The following PCDHGA3 variants were observed in gnomAD, a reference collection of about 807,000 sequenced individuals.
PCDHGA3 encodes protocadherin gamma subfamily A, 3.
PCDHGA3 carries 40 observed loss-of-function variants against 58.5 expected under a neutral mutation model. The observed-to-expected ratio is 0.68, with a 90% CI of 0.53 to 0.89. The LOEUF is 0.89. Among genes scored for constraint, PCDHGA3 ranks in the 40% least tolerant of loss-of-function variants. The pLI is 0.00. For missense variants in PCDHGA3, 1,223 were observed against 1,195.9 expected (o/e 1.02, Z -0.33); for synonymous variants, 530 against 525.7 (o/e 1.01, Z -0.11).
At chr5:141,417,753 C>T (rs889153718) in intron 1 of PCDHGA3, 3 of 1,431,672 alleles carry the variant, frequency 2.1e-6, no homozygotes, top group African/African-American at 2.9e-5. Flanking sequence ...ATTGCCAGCT[C>T]CGAGACCCGG....
intron 1 of PCDHGA3, chr5:141,367,157 T>G (rs2149904329): frequency 6.2e-6 from 1 of 161,546 alleles, no homozygotes; most frequent in East Asian, 1.8e-4. Flanking sequence ...GGACTGATAT[T>G]TTAGTCTACC....
In PCDHGA3 at chr5:141,487,819, C is replaced by A; in HGVS notation, c.2425-6988C>A. 2.3e-6 allele frequency: 3 copies of A among 1,285,528 alleles called. No homozygotes were observed. Among genetic ancestry groups the A allele is most frequent in the Non-Finnish European group, 3.2e-6 (3 of 932,998 alleles). 79.6% of individuals were successfully genotyped at this position (1,285,528 alleles called of 1,614,324 possible). On this transcript the variant is annotated intron_variant, in intron 1 of 3. Transcript: ENST00000253812. This position sits in a 1 kb window ranked among gnomAD's most constrained non-coding sequence, Gnocchi z 5.0. ...AGTTGTCACAGTTTAGCATTGGGGG[C>A]GGGTCATGCCTATATCTGAGTAAGA...
intron 1 of PCDHGA3, chr5:141,399,144 T>G: frequency 6.2e-7 from 1 of 1,613,728 alleles, no homozygotes. Flanking sequence ...AAAATGACAA[T>G]AGCCCAGAAG....
At chr5:141,393,857 C>A (rs753457502) in intron 1 of PCDHGA3, 3 of 1,613,860 alleles carry the variant, frequency 1.9e-6, no homozygotes, top group Non-Finnish European at 2.5e-6. Flanking sequence ...CAGAAGTGAT[C>A]ATTACGTCTT....
chr5:141,371,485 C>T, intron 1 of PCDHGA3: 1 of 1,613,980 alleles, frequency 6.2e-7, no homozygotes, highest in South Asian at 1.1e-5. Context: ...GAGCTGGGGA[C>T]TGCCGTTGCC....
At chr5:141,408,104 C>A (rs546603908) in intron 1 of PCDHGA3, 5 of 1,441,798 alleles carry the variant, frequency 3.5e-6, no homozygotes, top group Non-Finnish European at 2.7e-6. Flanking sequence ...CTCCGAGACC[C>A]GGGACTCCTC....
At chr5:141,375,448 A>G in intron 1 of PCDHGA3, 2 of 1,613,844 alleles carry the variant, frequency 1.2e-6, no homozygotes, top group South Asian at 1.1e-5. Flanking sequence ...TCCCCCATTC[A>G]TCCTACTCAG....
At chr5:141,468,748 C>T (rs2099176836) in intron 1 of PCDHGA3, among the ~76,000 whole-genome samples, 1 of 151,866 alleles carries the variant, frequency 6.6e-6, no homozygotes, top group South Asian at 2.1e-4. Context: ...TGCCTGTAGT[C>T]CCAGCTACTC....
chr5:141,393,427 A>G (rs2092758301), intron 1 of PCDHGA3: 2 of 1,613,922 alleles, frequency 1.2e-6, no homozygotes, highest in Admixed American at 3.3e-5. Flanking sequence ...AGGGAGGAAG[A>G]GGCTGCTCAC....
At chr5:141,364,161 C>A in intron 1 of PCDHGA3, 1 of 652,296 alleles carries the variant, frequency 1.5e-6, no homozygotes, top group Non-Finnish European at 2.3e-6. Flanking sequence ...GCCGCAGAGG[C>A]GACCCGACTC....
chr5:141,487,695 C>T lies in PCDHGA3; in HGVS notation c.2425-7112C>T, dbSNP rs1345224043. The stretch of plus-strand genomic sequence containing the variant: ...TGGCTAGGCCATGTCCTAGAGAGTA[C>T]TGGCCTCTCAGTAAGTGCCCATAGT... On this transcript the variant is annotated intron_variant, in intron 1 of 3. Coordinates refer to ENST00000253812, the MANE Select transcript of PCDHGA3 (RefSeq NM_018916.4). The surrounding 1 kb of genome is among the most constrained non-coding windows in gnomAD (Gnocchi z 5.0). 2 of 1,601,306 alleles carry T rather than the reference C, an allele frequency of 1.2e-6. No individual in the cohort carries two copies. Among genetic ancestry groups the T allele is most frequent in the East Asian group, 2.2e-5 (1 of 44,606 alleles).
At position 141,344,397 on chromosome 5, in the gene PCDHGA3, G is replaced by A; in HGVS notation, c.364G>A (p.Glu122Lys). The change falls in exon 1 of 4, where the codon GAA becomes AAA. Residue 122 changes from glutamate (E) to lysine (K), a missense_variant. This residue lies in a region of PCDHGA3 where 791 missense variants were observed against 708.5 expected (regional missense o/e 1.12). Transcript: ENST00000253812. Reference sequence around the variant, plus strand: ...ATTGAAAATTTTTGAAGTAGAAATAGAAATTAAAGATATTAATGATAATGC... The same window carrying A: ...ATTGAAAATTTTTGAAGTAGAAATAAAAATTAAAGATATTAATGATAATGC... ...DKLKIFEVEI[E>K]IKDINDNAPN... is the part of the protein sequence containing the mutation. 6.2e-7 allele frequency: 1 copy of A among 1,611,536 alleles called. No homozygotes were observed. The highest frequency in any genetic ancestry group is 8.5e-7 in the Non-Finnish European group (1 of 1,178,800).
chr5:141,439,531 G>T (rs1474855779), intron 1 of PCDHGA3, among the ~76,000 whole-genome samples: 1 of 152,126 alleles, frequency 6.6e-6, no homozygotes, highest in Non-Finnish European at 1.5e-5. Context: ...TCTACAGAAC[G>T]CTGTCCTCTC....
chr5:141,467,764 TGCCCGCACCTCA>T (rs544344217), intron 1 of PCDHGA3, among the ~76,000 whole-genome samples: 90 of 152,158 alleles, frequency 5.9e-4, no homozygotes, highest in South Asian at 1.0e-3. Context: ...CATGCTCAAG[TGCCCGCACCTCA>T]GCCTCTCAAG....
At chr5:141,458,434 G>T (rs535464730) in intron 1 of PCDHGA3, among the ~76,000 whole-genome samples, 1 of 152,198 alleles carries the variant, frequency 6.6e-6, no homozygotes, top group African/African-American at 2.4e-5. Context: ...GAAAGAGGAG[G>T]TCCCCCACAT....
At chr5:141,446,390 G>A (rs2098500089) in intron 1 of PCDHGA3, among the ~76,000 whole-genome samples, 1 of 152,284 alleles carries the variant, frequency 6.6e-6, no homozygotes, top group African/African-American at 2.4e-5. Context: ...ATAGATTTAA[G>A]AGAAATCGAG....
rs369529373 is a variant in PCDHGA3 at position 141,458,890 on chromosome 5, C to T, written c.2425-35917C>T. Among the ~76,000 whole-genome samples, 87 of 152,160 alleles carry T rather than the reference C, an allele frequency of 5.7e-4. 1 individual carries two copies. In the South Asian group the frequency reaches 0.016, roughly 28 times the overall value. ...TGGGACTACAGGCATGCACACCATG[C>T]GCAGCTAATTTTTTCTATTTTTTGT... On this transcript the variant is annotated intron_variant, in intron 1 of 3. Coordinates refer to ENST00000253812, the MANE Select transcript of PCDHGA3 (RefSeq NM_018916.4).
chr5:141,357,665 C>A, intron 1 of PCDHGA3: 1 of 1,599,548 alleles, frequency 6.3e-7, no homozygotes, highest in Non-Finnish European at 8.5e-7. Flanking sequence ...GAAATATAGA[C>A]AAAGAGTTGT....
intron 1 of PCDHGA3, chr5:141,388,466 G>A (rs1426666369): frequency 6.2e-7 from 1 of 1,613,812 alleles, no homozygotes. Flanking sequence ...ACCCTGAGAT[G>A]GTATTGAAGA....
Sources: gnomAD v4.1 joint callset for allele counts (sites outside exome capture counted in the v4.1 genomes callset) on GRCh38, gnomAD v4.1.1 for gene constraint, gnomAD v4.1.1 regional missense constraint, Gnocchi (gnomAD v3.1) non-coding constraint, MANE v1.5 for transcripts, NCBI Gene and HGNC (gene_info 2026-07-23, HGNC 2026-07-21) for gene names.